SEPTIN9: variants seen among roughly 807,000 people sequenced by gnomAD.
SEPTIN9 encodes the protein septin-9.
Under a neutral mutation model 56.6 loss-of-function variants are expected in SEPTIN9, and 13 were observed. The ratio of observed to expected loss-of-function variants is 0.23; its 90% CI spans 0.15 to 0.37. The LOEUF is 0.37. Among genes scored for constraint, SEPTIN9 ranks in the 10% least tolerant of loss-of-function variants. The probability of loss-of-function intolerance (pLI) is 1.00; values close to 1 mark genes in which losing one functional copy is unlikely to be tolerated. For synonymous variants in SEPTIN9, 332 were observed against 334.1 expected (o/e 0.99, Z 0.07); for missense variants, 650 against 823.1 (o/e 0.79, Z 2.57).
intron 2 of SEPTIN9, among the ~76,000 whole-genome samples, chr17:77,361,970 T>C (rs1211239190): frequency 6.6e-6 from 1 of 152,238 alleles, no homozygotes; most frequent in Non-Finnish European, 1.5e-5. Flanking sequence ...CTTGCACACC[T>C]TGCTGGCTCT....
Position 77,405,295 on chromosome 17 carries a change from A to T in SEPTIN9, c.721+2592A>T, listed in dbSNP as rs1301284168. Among the ~76,000 whole-genome samples, 1 of 152,128 alleles carries T rather than the reference A, an allele frequency of 6.6e-6. No homozygotes were observed. Among genetic ancestry groups the T allele is most frequent in the African/African-American group, 2.4e-5 (1 of 41,434 alleles). On this transcript the variant is annotated intron_variant, in intron 3 of 11. Coordinates refer to ENST00000427177, the MANE Select transcript of SEPTIN9 (RefSeq NM_001113491.2). This position sits in a 1 kb window ranked among gnomAD's most constrained non-coding sequence, Gnocchi z 5.8. ...TGGAGCTCACCGAGCCGTGAGCAGG[A>T]TGGCTGGGACACAAGGAGTGTCCAG... is the stretch of plus-strand genomic sequence containing the variant.
At chr17:77,387,255 G>C (rs71384171) in intron 2 of SEPTIN9, among the ~76,000 whole-genome samples, 29 of 152,214 alleles carry the variant, frequency 1.9e-4, no homozygotes, top group Non-Finnish European at 3.2e-4. Flanking sequence ...TGGCTCCCGG[G>C]TGCTCCTGGG....
Position 77,490,938 on chromosome 17 carries a change from T to C in SEPTIN9, c.1380+79T>C. On this transcript the variant is annotated intron_variant, in intron 8 of 11. Coordinates refer to ENST00000427177, the MANE Select transcript of SEPTIN9 (RefSeq NM_001113491.2). The stretch of plus-strand genomic sequence containing the variant: ...CAGGCCTGGCAGGGGCCACCCCGTC[T>C]AAAGGAGTCACACTGTCAGGGAGAC... The C allele has an allele frequency of 3.6e-6, 4 of 1,120,848 alleles. No individual in the cohort carries two copies. In the Admixed American group the frequency reaches 7.9e-5, roughly 22 times the overall value. The allele number at this position is 1,120,848 out of a possible 1,614,324, so 69.4% of individuals were successfully genotyped here.
intron 3 of SEPTIN9, among the ~76,000 whole-genome samples, chr17:77,459,961 C>T (rs2038387784): frequency 6.6e-6 from 1 of 152,136 alleles, no homozygotes; most frequent in Non-Finnish European, 1.5e-5. Flanking sequence ...CAGGTGTGAG[C>T]CACCTCACCC....
intron 3 of SEPTIN9, among the ~76,000 whole-genome samples, chr17:77,467,900 G>GA (rs2144545320): frequency 6.6e-6 from 1 of 152,284 alleles, no homozygotes; most frequent in South Asian, 2.1e-4. Flanking sequence ...GGGTGCTTCG[G>GA]ACGTGTAAGG....
At chr17:77,494,747 G>A (rs1451950435) in intron 10 of SEPTIN9, among the ~76,000 whole-genome samples, 1 of 152,152 alleles carries the variant, frequency 6.6e-6, no homozygotes, top group Non-Finnish European at 1.5e-5. Context: ...CAGAACGGGA[G>A]GCGGCTCTAG....
intron 7 of SEPTIN9, among the ~76,000 whole-genome samples, chr17:77,489,608 C>T (rs544683474): frequency 1.3e-5 from 2 of 152,302 alleles, no homozygotes; most frequent in Admixed American, 6.5e-5. Flanking sequence ...AGGTCCTTCG[C>T]ACCTGCTGTC....
In SEPTIN9 at chr17:77,405,696, G is replaced by T. The variant is rs4789002; in HGVS notation, c.721+2993G>T. Among the ~76,000 whole-genome samples the T allele has an allele frequency of 2.6e-5, 4 of 152,080 alleles. No homozygotes were observed. The highest frequency in any genetic ancestry group is 2.0e-4 in the Admixed American group (3 of 15,296). ...TCCGATGGGAGTGGCTTCTCGGGGGGCCCAGGCCTGAGCCCCACTAGTTCT... is the reference window on the plus strand; with the variant it reads ...TCCGATGGGAGTGGCTTCTCGGGGGTCCCAGGCCTGAGCCCCACTAGTTCT... On this transcript the variant is annotated intron_variant, in intron 3 of 11. Coordinates refer to ENST00000427177, the MANE Select transcript of SEPTIN9 (RefSeq NM_001113491.2). The surrounding 1 kb of genome is among the most constrained non-coding windows in gnomAD (Gnocchi z 5.8).
chr17:77,475,649 C>A lies in SEPTIN9; in HGVS notation c.722-6495C>A. ...GAGGCTGCTCCAGTGTGCATTGTTA[C>A]GAGGCAAAGTAAGGAGACTGCTGGG... On this transcript the variant is annotated intron_variant, in intron 3 of 11. Coordinates refer to ENST00000427177, the MANE Select transcript of SEPTIN9 (RefSeq NM_001113491.2). This position sits in a 1 kb window ranked among gnomAD's most constrained non-coding sequence, Gnocchi z 4.6. 6.2e-7 allele frequency: 1 copy of A among 1,613,786 alleles called. No individual in the cohort carries two copies. The highest frequency in any genetic ancestry group is 1.1e-5 in the South Asian group (1 of 91,080).
intron 2 of SEPTIN9, among the ~76,000 whole-genome samples, chr17:77,368,616 A>G (rs2034636944): frequency 6.6e-6 from 1 of 152,178 alleles, no homozygotes; most frequent in Non-Finnish European, 1.5e-5. Flanking sequence ...CTGGCCAAAA[A>G]TGGTAAATTT....
chr17:77,373,440 C>G, intron 2 of SEPTIN9: 2 of 1,475,040 alleles, frequency 1.4e-6, no homozygotes, highest in Non-Finnish European at 1.8e-6. Flanking sequence ...GGCCCGGGCC[C>G]CGCCGGGGGC....
intron 4 of SEPTIN9, among the ~76,000 whole-genome samples, chr17:77,484,700 ATGG>A (rs1256328010): frequency 8.0e-5 from 5 of 62,264 alleles, no homozygotes; most frequent in East Asian, 6.7e-4. Context: ...GGTGATTGTG[ATGG>A]TGGTGATGTG....
chr17:77,460,233 A>G (rs1246442490), intron 3 of SEPTIN9, among the ~76,000 whole-genome samples: 1 of 152,008 alleles, frequency 6.6e-6, no homozygotes, highest in Non-Finnish European at 1.5e-5. Context: ...TTGTTGAGAG[A>G]GCGGTGGGGG....
intron 2 of SEPTIN9, among the ~76,000 whole-genome samples, chr17:77,355,565 G>A (rs1013785730): frequency 1.3e-5 from 2 of 152,254 alleles, no homozygotes; most frequent in South Asian, 4.2e-4. Context: ...TGGGCTGAAT[G>A]TGCATCAGAT....
intron 1 of SEPTIN9, among the ~76,000 whole-genome samples, chr17:77,285,582 A>G (rs532548194): frequency 1.1e-3 from 173 of 151,212 alleles, no homozygotes; most frequent in Middle Eastern, 0.01. Flanking sequence ...ATTTTTTAGT[A>G]GAGATGGGGT....
In SEPTIN9 at chr17:77,402,015, T is replaced by C; in HGVS notation, c.77-44T>C. ...GCAGGAAACATGCCGGAGTGTTCCC[T>C]AGCCATCCATTCACCAATTGCATCC... On this transcript the variant is annotated intron_variant, in intron 2 of 11. Transcript: ENST00000427177. The surrounding 1 kb of genome is among the most constrained non-coding windows in gnomAD (Gnocchi z 6.6). The C allele has an allele frequency of 1.3e-6, 2 of 1,589,974 alleles. No homozygotes were observed. Among genetic ancestry groups the C allele is most frequent in the South Asian group, 1.1e-5 (1 of 88,546 alleles).
rs1339463855 is a variant in SEPTIN9, at chr17:77,492,457, C to T, written c.1381-164C>T. On this transcript the variant is annotated intron_variant, in intron 8 of 11. Coordinates refer to ENST00000427177, the MANE Select transcript of SEPTIN9 (RefSeq NM_001113491.2). The surrounding 1 kb of genome is among the most constrained non-coding windows in gnomAD (Gnocchi z 5.4). Reference sequence around the variant, plus strand: ...CACCTGCAGCTGCCCCTCTTCCCTCCAGGAGGCACAGGAGTTGGAGGTGAT... The same window carrying T: ...CACCTGCAGCTGCCCCTCTTCCCTCTAGGAGGCACAGGAGTTGGAGGTGAT... 2.0e-5 allele frequency among the ~76,000 whole-genome samples: 3 copies of T among 152,058 alleles called. No homozygotes were observed. The highest frequency in any genetic ancestry group is 4.4e-5 in the Non-Finnish European group (3 of 67,990).
At chr17:77,465,699 C>T (rs2038685386) in intron 3 of SEPTIN9, among the ~76,000 whole-genome samples, 1 of 152,102 alleles carries the variant, frequency 6.6e-6, no homozygotes, top group South Asian at 2.1e-4. Flanking sequence ...GTTTCCTTTG[C>T]CTGTTGGAGC....
intron 3 of SEPTIN9, chr17:77,472,655 C>T (rs1310177662): frequency 6.6e-6 from 1 of 152,230 alleles, no homozygotes; most frequent in Non-Finnish European, 1.5e-5. Context: ...TTTGCAAATC[C>T]GTGTCTTTCT....
Sources: gnomAD v4.1 joint callset for allele counts (sites outside exome capture counted in the v4.1 genomes callset) on GRCh38, gnomAD v4.1.1 for gene constraint, Gnocchi (gnomAD v3.1) non-coding constraint, MANE v1.5 for transcripts, NCBI Gene and HGNC (gene_info 2026-07-23, HGNC 2026-07-21) for gene names.